Variants in ADGRV1 observed in about 807,000 individuals in gnomAD.
ADGRV1 encodes adhesion G protein-coupled receptor V1.
Under a neutral mutation model 596.2 loss-of-function variants are expected in ADGRV1, and 359 were observed. The ratio of observed to expected loss-of-function variants is 0.60; its 90% CI spans 0.55 to 0.66. The LOEUF (loss-of-function observed/expected upper bound fraction) is 0.66, where lower values mean the gene tolerates loss of function less well. ADGRV1 is among the 30% of genes least tolerant of loss of function. The probability of loss-of-function intolerance (pLI) is 0.00; values close to 1 mark genes in which losing one functional copy is unlikely to be tolerated. For synonymous variants in ADGRV1, 2,681 were observed against 2,679.2 expected, an observed-to-expected ratio of 1.00 and a Z score of -0.02; for missense variants, 7,274 against 7,575.6, an observed-to-expected ratio of 0.96 and a Z score of 1.48.
At chr5:90,847,441 C>A (rs1008434065) in intron 78 of ADGRV1, among the ~76,000 whole-genome samples, 53 of 152,360 alleles carry the variant, frequency 3.5e-4, no homozygotes, top group East Asian at 1.9e-4. Flanking sequence ...ACTCAGGAGC[C>A]CAGCTGGCTT....
At chr5:90,651,166 T>C (rs1336708037) in intron 17 of ADGRV1, among the ~76,000 whole-genome samples, 1 of 152,158 alleles carries the variant, frequency 6.6e-6, no homozygotes, top group Admixed American at 6.5e-5. Flanking sequence ...ACACAGACAG[T>C]AGTATTTTTA....
At chr5:91,116,733 T>C (rs959774435) in intron 87 of ADGRV1, among the ~76,000 whole-genome samples, 1 of 152,208 alleles carries the variant, frequency 6.6e-6, no homozygotes, top group Admixed American at 6.5e-5. Context: ...CTTTGTTCCA[T>C]AATTAATGTT....
At chr5:90,849,021 C>A (rs1488766679) in intron 79 of ADGRV1, among the ~76,000 whole-genome samples, 200 bp downstream of exon 79, 1 of 151,958 alleles carries the variant, frequency 6.6e-6, no homozygotes, top group Non-Finnish European at 1.5e-5. Flanking sequence ...ATACTGTCAA[C>A]AATATATTCC....
chr5:90,784,079 C>G, intron 67 of ADGRV1, 22 bp downstream of exon 67: 1 of 1,504,504 alleles, frequency 6.6e-7, no homozygotes, highest in African/African-American at 1.4e-5. Context: ...TTCCCCATGA[C>G]TTTAAATATA....
rs1040515250 is a variant in ADGRV1, at chr5:90,853,529, A to G, written c.17450A>G (p.Asn5817Ser). The change falls in exon 80 of 90, where the codon AAT becomes AGT. Residue 5817 changes from asparagine (N) to serine (S), a missense_variant. Coordinates refer to ENST00000405460, the MANE Select transcript of ADGRV1 (RefSeq NM_032119.4). The stretch of plus-strand genomic sequence containing the variant: ...GGAAACAATCTTCCTACCCTAAAAA[A>G]TAAGGTAATCTTTCATTCAAAACAC... ...ISGNNLPTLK[N>S]KVLSLSVKGQ... 2.5e-6 allele frequency: 4 copies of G among 1,609,054 alleles called. No individual in the cohort carries two copies. Among genetic ancestry groups the G allele is most frequent in the Admixed American group, 1.7e-5 (1 of 59,590 alleles).
At chr5:91,041,688 T>G (rs1212452100) in intron 85 of ADGRV1, among the ~76,000 whole-genome samples, 1 of 151,684 alleles carries the variant, frequency 6.6e-6, no homozygotes, top group Non-Finnish European at 1.5e-5. Flanking sequence ...AATAACCTCT[T>G]TATGGCAGAA....
At chr5:90,855,703 A>G (rs902791600) in intron 81 of ADGRV1, 38 bp from the exon 82 acceptor site, 10 of 1,477,354 alleles carry the variant, frequency 6.8e-6, no homozygotes, top group Middle Eastern at 1.8e-4. Context: ...TTCAGTATTG[A>G]TGAAAGAGGA....
At chr5:90,835,119 A>T (rs1204534735) in intron 77 of ADGRV1, among the ~76,000 whole-genome samples, 2 of 152,016 alleles carry the variant, frequency 1.3e-5, no homozygotes, top group Non-Finnish European at 2.9e-5. Flanking sequence ...GACATTGAAG[A>T]CTTAGGTATT....
chr5:90,938,637 C>T (rs893295370), intron 83 of ADGRV1, among the ~76,000 whole-genome samples: 12 of 152,230 alleles, frequency 7.9e-5, no homozygotes, highest in Non-Finnish European at 2.9e-5. Flanking sequence ...CTATTATATG[C>T]CAGGCACTGC....
chr5:91,010,935 A>G (rs1202539350), intron 85 of ADGRV1, among the ~76,000 whole-genome samples: 2 of 151,840 alleles, frequency 1.3e-5, no homozygotes, highest in African/African-American at 2.4e-5. Flanking sequence ...TTTTCAGCAT[A>G]GTGCACTTAA....
intron 1 of ADGRV1, among the ~76,000 whole-genome samples, chr5:90,585,667 A>G (rs73771302): frequency 2.0e-5 from 3 of 152,336 alleles, no homozygotes; most frequent in African/African-American, 7.2e-5. Context: ...TATTGTCAGA[A>G]GCCATATTGT....
intron 83 of ADGRV1, among the ~76,000 whole-genome samples, chr5:90,956,688 A>G (rs1015170659): frequency 6.6e-6 from 1 of 152,156 alleles, no homozygotes; most frequent in African/African-American, 2.4e-5. Flanking sequence ...ATGTACTTCT[A>G]GAGAATCTCC....
chr5:90,858,556 C>T (rs1391585658), intron 82 of ADGRV1, among the ~76,000 whole-genome samples: 3 of 151,996 alleles, frequency 2.0e-5, no homozygotes, highest in African/African-American at 7.3e-5. Flanking sequence ...CCATGCTGCC[C>T]AGGCTGGTCT....
intron 1 of ADGRV1, among the ~76,000 whole-genome samples, chr5:90,596,814 C>G (rs1229805047): frequency 6.6e-6 from 1 of 150,420 alleles, no homozygotes; most frequent in African/African-American, 2.5e-5. Context: ...GGGGAGAGGG[C>G]GAGGGCGAGG....
chr5:90,733,550 A>G (rs1752822383), intron 50 of ADGRV1, among the ~76,000 whole-genome samples: 1 of 152,188 alleles, frequency 6.6e-6, no homozygotes, highest in Non-Finnish European at 1.5e-5. Flanking sequence ...GTGCCCAACT[A>G]CTGCTTTCTT....
rs1481223005 is a variant in ADGRV1 at position 90,791,018 on chromosome 5, A to G, written c.14189A>G (p.Tyr4730Cys). The G allele has an allele frequency of 6.2e-7, 1 of 1,613,974 alleles. No homozygotes were observed. The highest frequency in any genetic ancestry group is 1.1e-5 in the South Asian group (1 of 91,080). Reference protein sequence around the residue: ...PDEVPEIEEDYVIQLVSVEGG... With the variant: ...PDEVPEIEEDCVIQLVSVEGG... The stretch of plus-strand genomic sequence containing the variant: ...GAGGTACCTGAGATAGAGGAAGATT[A>G]TGTGATCCAGCTTGTTTCTGTAGAG... The change falls in exon 70 of 90, where the codon TAT becomes TGT. Residue 4730 changes from tyrosine to cysteine, a missense_variant. Tyr to Cys is a radical substitution (Grantham distance 194, BLOSUM62 -2). This residue lies in a region of ADGRV1 where 1,874 missense variants were observed against 1,970.2 expected (regional missense o/e 0.95). Coordinates refer to ENST00000405460, the MANE Select transcript of ADGRV1 (RefSeq NM_032119.4).
chr5:91,023,714 T>C (rs1783817439), intron 85 of ADGRV1, among the ~76,000 whole-genome samples: 1 of 152,122 alleles, frequency 6.6e-6, no homozygotes, highest in Non-Finnish European at 1.5e-5. Flanking sequence ...CAGTGCTTTC[T>C]CCTGAAGCCA....
chr5:90,926,744 C>CT (rs1304502361), intron 83 of ADGRV1, among the ~76,000 whole-genome samples: 56 of 148,712 alleles, frequency 3.8e-4, no homozygotes, highest in African/African-American at 1.3e-3. Flanking sequence ...AATTTTGGAT[C>CT]TTTCCTGCTT....
intron 84 of ADGRV1, among the ~76,000 whole-genome samples, chr5:90,976,461 T>C (rs1779624536): frequency 6.6e-6 from 1 of 151,398 alleles, no homozygotes; most frequent in Admixed American, 6.6e-5. Context: ...TTGATGAAAT[T>C]ACATTATTTT....
Sources: allele counts gnomAD v4.1 joint callset (sites outside exome capture counted in the v4.1 genomes callset), GRCh38; gene constraint gnomAD v4.1.1; regional missense constraint gnomAD v4.1.1; transcripts MANE v1.5; gene names NCBI Gene and HGNC (gene_info 2026-07-23, HGNC 2026-07-21).